Variants in CELSR1 observed in about 807,000 individuals in gnomAD.
CELSR1 encodes cadherin EGF LAG seven-pass G-type receptor 1, also known as adhesion G protein-coupled receptor C1.
Under a neutral mutation model 249.1 loss-of-function variants are expected in CELSR1, and 110 were observed. The observed-to-expected ratio is 0.44, with a 90% confidence interval of 0.38 to 0.52. CELSR1 has a LOEUF of 0.52. Among genes scored for constraint, CELSR1 ranks in the 20% least tolerant of loss-of-function variants. The pLI is 0.00. For synonymous variants in CELSR1, 2,113 were observed against 1,900.0 expected, an observed-to-expected ratio of 1.11 and a Z score of -2.92; for missense variants, 4,109 against 4,296.4, an observed-to-expected ratio of 0.96 and a Z score of 1.22.
In CELSR1 at chr22:46,537,209, A is replaced by T. The variant is rs1194792740; in HGVS notation, c.-39T>A. ...AGCCCGAGCCGGGCGCCCGAACACA[A>T]TCCATGCACCCGGCGCGCCTCCGCA... On this transcript the variant is annotated 5_prime_UTR_variant, in exon 1 of 35. It adds an upstream start codon to the 5' untranslated region. Coordinates refer to ENST00000674500, the MANE Select transcript of CELSR1 (RefSeq NM_001378328.1). This position sits in a 1 kb window ranked among gnomAD's most constrained non-coding sequence, Gnocchi z 5.8. 11 of 1,012,508 alleles carry T rather than the reference A, an allele frequency of 1.1e-5. No homozygotes were observed. Among genetic ancestry groups the T allele is most frequent in the African/African-American group, 1.8e-5 (1 of 56,794 alleles). 62.7% of individuals were successfully genotyped at this position (1,012,508 alleles called of 1,614,324 possible).
Position 46,381,860 on chromosome 22 carries a change from G to C in CELSR1, c.7074C>G (p.Asp2358Glu). The change falls in exon 21 of 35, where the codon GAC becomes GAG. Residue 2358 changes from aspartate (D) to glutamate (E), a missense_variant. By Grantham distance (45) the Asp-to-Glu change is conservative (BLOSUM62 2). Transcript: ENST00000674500. The surrounding 1 kb of genome is among the most constrained non-coding windows in gnomAD (Gnocchi z 6.0). ...GQLLPERYDP[D>E]RRSLRLPHRP... is the part of the protein sequence containing the mutation. Reference sequence around the variant, plus strand: ...CCAGGCCTTACCGGAGGCTGCGACGGTCGGGGTCGTAGCGCTCGGGCAGGA... The same window carrying C: ...CCAGGCCTTACCGGAGGCTGCGACGCTCGGGGTCGTAGCGCTCGGGCAGGA... 1 of 1,560,672 alleles carries C rather than the reference G, an allele frequency of 6.4e-7. No homozygotes were observed. Among genetic ancestry groups the C allele is most frequent in the Non-Finnish European group, 8.6e-7 (1 of 1,156,226 alleles).
chr22:46,412,252 T>C lies in CELSR1; in HGVS notation c.4612-493A>G, dbSNP rs2079346227. On this transcript the variant is annotated intron_variant, in intron 5 of 34. Coordinates refer to ENST00000674500, the MANE Select transcript of CELSR1 (RefSeq NM_001378328.1). The surrounding 1 kb of genome is among the most constrained non-coding windows in gnomAD (Gnocchi z 4.5). ...ACGGCCCTACCCGCGCCTTGACTTCTAGGCACCAGACTGAGAGAGAATCAT... is the reference window on the plus strand; with the variant it reads ...ACGGCCCTACCCGCGCCTTGACTTCCAGGCACCAGACTGAGAGAGAATCAT... Among the ~76,000 whole-genome samples the C allele has an allele frequency of 6.6e-6, 1 of 152,160 alleles. No individual in the cohort carries two copies. Among genetic ancestry groups the C allele is most frequent in the Admixed American group, 6.5e-5 (1 of 15,284 alleles).
At chr22:46,523,202 T>C (rs2080703012) in intron 1 of CELSR1, among the ~76,000 whole-genome samples, 1 of 152,156 alleles carries the variant, frequency 6.6e-6, no homozygotes, top group African/African-American at 2.4e-5. Flanking sequence ...TAAAAGAAGA[T>C]ACAAAACTGT....
In CELSR1 at chr22:46,377,049, G is replaced by C. The variant is rs768435080; in HGVS notation, c.7584+12C>G. ...GGCCCAGACAGTGGGGAGGGGAGCA[G>C]AGTGGCCATACCGGGTTTTCCGTCT... On this transcript the variant is annotated intron_variant, in intron 24 of 34. Transcript: ENST00000674500. 5 of 1,611,766 alleles carry C rather than the reference G, an allele frequency of 3.1e-6. No homozygotes were observed. The highest frequency in any genetic ancestry group is 4.2e-6 in the Non-Finnish European group (5 of 1,179,684).
At position 46,372,885 on chromosome 22, in the gene CELSR1, G is replaced by A; in HGVS notation, c.7757C>T (p.Thr2586Ile). ...AGGGCCACTCTGTGCATCCTCACCT[G>A]TGACAATGGCCGGGATGCCCCAGCC... Reference protein sequence around the residue: ...VVGWGIPAIVTGLAVGLDPQG... With the variant: ...VVGWGIPAIVIGLAVGLDPQG... Residue 2586 changes from threonine (T) to isoleucine (I), a missense_variant and splice_region_variant, in exon 25 of 35, where the codon ACA becomes ATA. Around this residue, in one of 7 missense-constraint regions of CELSR1, gnomAD observed 1,805 missense variants for 1,831.6 expected, o/e 0.99. Transcript: ENST00000674500. 1 of 1,604,838 alleles carries A rather than the reference G, an allele frequency of 6.2e-7. No homozygotes were observed. Among genetic ancestry groups the A allele is most frequent in the South Asian group, 1.1e-5 (1 of 90,040 alleles).
Position 46,367,097 on chromosome 22 carries a change from G to A in CELSR1, c.8101C>T (p.His2701Tyr). 1 of 1,611,426 alleles carries A rather than the reference G, an allele frequency of 6.2e-7. No individual in the cohort carries two copies. Among genetic ancestry groups the A allele is most frequent in the Non-Finnish European group, 8.5e-7 (1 of 1,179,688 alleles). The change falls in exon 29 of 35, where the codon CAC becomes TAC. Residue 2701 changes from histidine to tyrosine, a missense_variant. Coordinates refer to ENST00000674500, the MANE Select transcript of CELSR1 (RefSeq NM_001378328.1). ...GLQGPFVLLF[H>Y]CVLNQEVRKH... Reference sequence around the variant, plus strand: ...CGGACCTCCTGGTTGAGCACGCAGTGGAAAAGGAGGACGAAGGGGCCCTGG... The same window carrying A: ...CGGACCTCCTGGTTGAGCACGCAGTAGAAAAGGAGGACGAAGGGGCCCTGG...
intron 25 of CELSR1, among the ~76,000 whole-genome samples, chr22:46,370,807 G>A (rs1387798594): frequency 6.6e-6 from 1 of 152,252 alleles, no homozygotes; most frequent in African/African-American, 2.4e-5. Context: ...AGCAGCCAGT[G>A]ACCAGTGCCT....
At position 46,403,479 on chromosome 22, in the gene CELSR1, C is replaced by A. The variant is rs1432789336; in HGVS notation, c.5227-3577G>T. Among the ~76,000 whole-genome samples, 5 of 151,954 alleles carry A rather than the reference C, an allele frequency of 3.3e-5. No individual in the cohort carries two copies. The East Asian group carries it at 9.7e-4, about 29-fold the overall frequency. Reference sequence around the variant, plus strand: ...GGCTGAGGCAGGAGAATGGCATGAACCCAGGAGGTGGAGCTTGCAGTGAGA... The same window carrying A: ...GGCTGAGGCAGGAGAATGGCATGAAACCAGGAGGTGGAGCTTGCAGTGAGA... On this transcript the variant is annotated intron_variant, in intron 9 of 34. Transcript: ENST00000674500.
At position 46,361,542 on chromosome 22, in the gene CELSR1, T is replaced by A. The variant is rs1454485012; in HGVS notation, c.*1681A>T. The A allele has an allele frequency of 2.0e-5, 3 of 152,224 alleles. No homozygotes were observed. Among genetic ancestry groups the A allele is most frequent in the Non-Finnish European group, 2.9e-5 (2 of 68,036 alleles). The allele number at this position is 152,224 out of a possible 1,614,324, so 9.4% of individuals were successfully genotyped here. A position where few individuals can be genotyped will look rare whatever the true frequency, so the allele number is the denominator to read the frequency against. ...GCCAGGGGCAAACGTTTAAAGGGACTAGAGTTTTTTATCTTCGAAAGACCA... is the reference window on the plus strand; with the variant it reads ...GCCAGGGGCAAACGTTTAAAGGGACAAGAGTTTTTTATCTTCGAAAGACCA... On this transcript the variant is annotated 3_prime_UTR_variant, in exon 35 of 35. Transcript: ENST00000674500.
chr22:46,414,457 C>A (rs1203056371), intron 5 of CELSR1, among the ~76,000 whole-genome samples: 4 of 152,110 alleles, frequency 2.6e-5, no homozygotes. Context: ...TCTCCTGTCA[C>A]CCCTGAATAG....
Position 46,429,897 on chromosome 22 carries a change from C to T in CELSR1, c.4611+3496G>A, listed in dbSNP as rs1193492287. ...ACTGCCTCCAGCCCTGGGTCCCACA[C>T]CGCCTCTCATGGATGCCCCATGCCC... is the stretch of plus-strand genomic sequence containing the variant. On this transcript the variant is annotated intron_variant, in intron 5 of 34. Coordinates refer to ENST00000674500, the MANE Select transcript of CELSR1 (RefSeq NM_001378328.1). The surrounding 1 kb of genome is among the most constrained non-coding windows in gnomAD (Gnocchi z 4.1). 6.6e-6 allele frequency among the ~76,000 whole-genome samples: 1 copy of T among 152,258 alleles called. No homozygotes were observed.
In CELSR1 at chr22:46,534,960, G is replaced by A; in HGVS notation, c.2211C>T (p.Ser737=). Residue 737 remains serine (S), a synonymous_variant, in exon 1 of 35, where the codon AGC becomes AGT. Coordinates refer to ENST00000674500, the MANE Select transcript of CELSR1 (RefSeq NM_001378328.1). This position sits in a 1 kb window ranked among gnomAD's most constrained non-coding sequence, Gnocchi z 9.7. The part of the protein sequence containing the change: ...GNTRNRFALS[S]QRGGGLITLA... ...GGGTGATGAGGCCGCCCCCTCTCTG[G>A]CTGCTGAGTGCAAAGCGGTTCCGGG... 1 of 1,612,312 alleles carries A rather than the reference G, an allele frequency of 6.2e-7. No homozygotes were observed. The highest frequency in any genetic ancestry group is 1.7e-5 in the Admixed American group (1 of 60,014).
rs139030774 is a variant in CELSR1 at position 46,369,758 on chromosome 22, G to A, written c.7806C>T (p.Phe2602=). Residue 2602 remains phenylalanine, a synonymous_variant, in exon 26 of 35, where the codon TTC becomes TTT. Transcript: ENST00000674500. ...LDPQGYGNPD[F]CWLSLQDTLI... ...GGGTGTCTTGAAGCGACAGCCAGCA[G>A]AAGTCGGGGTTCCCGTAGCCCTGGG... 589 of 1,613,422 alleles carry A rather than the reference G, an allele frequency of 3.7e-4. No homozygotes were observed. The highest frequency in any genetic ancestry group is 4.6e-4 in the Non-Finnish European group (547 of 1,180,010).
At chr22:46,375,790 C>T (rs1402587586) in intron 24 of CELSR1, among the ~76,000 whole-genome samples, 1 of 152,176 alleles carries the variant, frequency 6.6e-6, no homozygotes, top group East Asian at 1.9e-4. Flanking sequence ...AGTGATCTGC[C>T]TGCCTCGGCC....
At position 46,490,705 on chromosome 22, in the gene CELSR1, A is replaced by C. The variant is rs554498933; in HGVS notation, c.3545-26360T>G. Among the ~76,000 whole-genome samples, 1 of 152,240 alleles carries C rather than the reference A, an allele frequency of 6.6e-6. No individual in the cohort carries two copies. The highest frequency in any genetic ancestry group is 1.5e-5 in the Non-Finnish European group (1 of 68,036). ...TGGTGGGTGTGCGGGGACACTTTAA[A>C]ATACCAGAAAAATCTACAAAACCAA... On this transcript the variant is annotated intron_variant, in intron 1 of 34. Transcript: ENST00000674500. The surrounding 1 kb of genome is among the most constrained non-coding windows in gnomAD (Gnocchi z 5.2).
At chr22:46,462,511 T>C (rs902544830) in intron 2 of CELSR1, among the ~76,000 whole-genome samples, 12 of 152,164 alleles carry the variant, frequency 7.9e-5, no homozygotes, top group Admixed American at 3.3e-4. Flanking sequence ...AAACTTGTGC[T>C]ATGTGCTGGT....
At position 46,398,242 on chromosome 22, in the gene CELSR1, A is replaced by AGGG. The variant is rs2079172581; in HGVS notation, c.5526+279_5526+281dup. 2.0e-5 allele frequency among the ~76,000 whole-genome samples: 3 copies of AGGG among 151,950 alleles called. No homozygotes were observed. Among genetic ancestry groups the AGGG allele is most frequent in the African/African-American group, 7.2e-5 (3 of 41,428 alleles). Reference sequence around the variant, plus strand: ...GTTGGACTGGGTGGGGGTGGCGGCAAGGGGCTCGATTCAGGACACTTCACA... The same window carrying AGGG: ...GTTGGACTGGGTGGGGGTGGCGGCAAGGGGGGGCTCGATTCAGGACACTTCACA... On this transcript the variant is annotated intron_variant, in intron 11 of 34. Transcript: ENST00000674500. This position sits in a 1 kb window ranked among gnomAD's most constrained non-coding sequence, Gnocchi z 7.2.
At position 46,366,438 on chromosome 22, in the gene CELSR1, T is replaced by C. The variant is rs943541735; in HGVS notation, c.8248A>G (p.Met2750Val). The change falls in exon 30 of 35, where the codon ATG becomes GTG. Residue 2750 changes from methionine to valine, a missense_variant. Met to Val is a conservative substitution (Grantham distance 21, BLOSUM62 1). Coordinates refer to ENST00000674500, the MANE Select transcript of CELSR1 (RefSeq NM_001378328.1). ...GACTCGCCCAAGTCTGTGCGCAGCATGTCAGGCCCGTCACCGAAGGTGGTG... is the reference window on the plus strand; with the variant it reads ...GACTCGCCCAAGTCTGTGCGCAGCACGTCAGGCCCGTCACCGAAGGTGGTG... ...CNTTFGDGPD[M>V]LRTDLGESTA... 5.2e-6 allele frequency: 8 copies of C among 1,550,168 alleles called. No individual in the cohort carries two copies. In the African/African-American group the frequency reaches 5.5e-5, roughly 11 times the overall value.
chr22:46,364,470 G>A, intron 33 of CELSR1, 42 bp downstream of exon 33: 3 of 1,578,008 alleles, frequency 1.9e-6, no homozygotes, highest in Non-Finnish European at 2.6e-6. Context: ...GGCCCTTCTG[G>A]GTCCTCCAGC....
Sources: gnomAD v4.1 joint callset for allele counts (sites outside exome capture counted in the v4.1 genomes callset) on GRCh38, gnomAD v4.1.1 for gene constraint, gnomAD v4.1.1 regional missense constraint, Gnocchi (gnomAD v3.1) non-coding constraint, MANE v1.5 for transcripts, NCBI Gene and HGNC (gene_info 2026-07-23, HGNC 2026-07-21) for gene names.